Variants in TMBIM6 observed in about 807,000 individuals in gnomAD.
TMBIM6 encodes the protein bax inhibitor 1.
In TMBIM6, 13 loss-of-function variants were observed where a neutral mutation model predicts 31.4. The observed-to-expected ratio is 0.41, with a 90% CI of 0.27 to 0.66. TMBIM6 has a LOEUF of 0.66. TMBIM6 is among the 30% of genes least tolerant of loss of function. The pLI is 0.28. For missense variants in TMBIM6, 275 were observed against 289.5 expected, an observed-to-expected ratio of 0.95 and a Z score of 0.36; for synonymous variants, 85 against 101.7, an observed-to-expected ratio of 0.84 and a Z score of 0.99.
rs544153688 is a variant in TMBIM6 at position 49,764,289 on chromosome 12, T to A, written c.*1393T>A. 1.3e-5 allele frequency: 2 copies of A among 152,282 alleles called. No homozygotes were observed. Among genetic ancestry groups the A allele is most frequent in the South Asian group, 4.1e-4 (2 of 4,828 alleles). 9.4% of individuals were successfully genotyped at this position (152,282 alleles called of 1,614,324 possible). ...TCTACAGAGCTTCAGTGTGAGAGGA[T>A]CGAGCCATTGAAAGCTCATTACCAG... is the stretch of plus-strand genomic sequence containing the variant. On this transcript the variant is annotated 3_prime_UTR_variant, in exon 10 of 10. Coordinates refer to ENST00000267115, the MANE Select transcript of TMBIM6 (RefSeq NM_003217.3).
intron 1 of TMBIM6, among the ~76,000 whole-genome samples, chr12:49,745,788 A>T (rs534775764): frequency 6.6e-6 from 1 of 151,972 alleles, no homozygotes; most frequent in South Asian, 2.1e-4. Context: ...ATCTGGTATG[A>T]TATTTTCACA....
At chr12:49,751,553 T>C (rs2136941215) in intron 1 of TMBIM6, among the ~76,000 whole-genome samples, 1 of 152,200 alleles carries the variant, frequency 6.6e-6, no homozygotes, top group Admixed American at 6.5e-5. Flanking sequence ...ATAAATTCCT[T>C]TTTTATGGAG....
At chr12:49,761,664 A>G (rs1248783556) in intron 8 of TMBIM6, 40 bp from the exon 9 acceptor site, 7 of 1,599,782 alleles carry the variant, frequency 4.4e-6, no homozygotes, top group Non-Finnish European at 6.0e-6. Flanking sequence ...TGGATAAAAA[A>G]GTCTGAAGTA....
chr12:49,758,927 T>C (rs1945660443), intron 7 of TMBIM6, 165 bp downstream of exon 7: 1 of 693,492 alleles, frequency 1.4e-6, no homozygotes, highest in Non-Finnish European at 2.4e-6. Context: ...GAAAACAGGC[T>C]GCACAAGGTT....
At chr12:49,746,093 T>C (rs1439755396) in intron 1 of TMBIM6, among the ~76,000 whole-genome samples, 1 of 151,542 alleles carries the variant, frequency 6.6e-6, no homozygotes, top group Non-Finnish European at 1.5e-5. Flanking sequence ...TTTTTTTTTT[T>C]CTTTTTTGAG....
chr12:49,757,302 A>G (rs1945622329), intron 4 of TMBIM6, among the ~76,000 whole-genome samples: 1 of 152,222 alleles, frequency 6.6e-6, no homozygotes, highest in Admixed American at 6.5e-5. Flanking sequence ...ATGAGGTTCA[A>G]GAGCTTAGGT....
At chr12:49,753,751 G>A (rs529874177) in intron 3 of TMBIM6, among the ~76,000 whole-genome samples, 6 of 152,154 alleles carry the variant, frequency 3.9e-5, no homozygotes, top group Non-Finnish European at 8.8e-5. Context: ...GGGATTGTGT[G>A]AAAAATTACT....
At position 49,763,492 on chromosome 12, in the gene TMBIM6, C is replaced by T. The variant is rs897290359; in HGVS notation, c.*596C>T. The T allele has an allele frequency of 6.6e-6, 1 of 152,304 alleles. No individual in the cohort carries two copies. Among genetic ancestry groups the T allele is most frequent in the Non-Finnish European group, 1.5e-5 (1 of 68,138 alleles). The allele number at this position is 152,304 out of a possible 1,614,324, so 9.4% of individuals were successfully genotyped here. A position where few individuals can be genotyped will look rare whatever the true frequency, so the allele number is the denominator to read the frequency against. On this transcript the variant is annotated 3_prime_UTR_variant, in exon 10 of 10. Transcript: ENST00000267115. ...CAAACACACCTTTCTGCTTTGCCTT[C>T]ACAAAAGTAATGTGTTCCCTTTCCC...
chr12:49,758,111 T>C, intron 4 of TMBIM6, 116 bp from the exon 5 acceptor site: 1 of 1,069,452 alleles, frequency 9.4e-7, no homozygotes, highest in South Asian at 1.4e-5. Flanking sequence ...GATTTAATTC[T>C]TTAGTCCACG....
In TMBIM6 at chr12:49,761,744, A is replaced by G; in HGVS notation, c.655A>G (p.Arg219Gly). 1 of 1,614,260 alleles carries G rather than the reference A, an allele frequency of 6.2e-7. No homozygotes were observed. The highest frequency in any genetic ancestry group is 8.5e-7 in the Non-Finnish European group (1 of 1,180,052). The change falls in exon 9 of 10, where the codon AGA becomes GGA. Residue 219 changes from arginine to glycine, a missense_variant. Arg to Gly is a moderately radical substitution (Grantham distance 125). Coordinates refer to ENST00000267115, the MANE Select transcript of TMBIM6 (RefSeq NM_003217.3). The stretch of plus-strand genomic sequence containing the variant: ...CTTCTTAGATTTCATTACTGTCTTC[A>G]GAAAACTCATGATGATCCTGGCCAT... ...DLFLDFITVFRKLMMILAMNE... is the reference protein window; with the variant it reads ...DLFLDFITVFGKLMMILAMNE...
chr12:49,752,368 A>T, intron 1 of TMBIM6, 96 bp from the exon 2 acceptor site: 1 of 875,596 alleles, frequency 1.1e-6, no homozygotes. Flanking sequence ...GCAAGTTTTC[A>T]TCTTTCTGAA....
chr12:49,743,976 G>A (rs951535203), intron 1 of TMBIM6, among the ~76,000 whole-genome samples: 8 of 152,194 alleles, frequency 5.3e-5, no homozygotes, highest in African/African-American at 1.7e-4. Context: ...TACAGATGAG[G>A]AAGCTGAAAT....
At chr12:49,754,241 C>T (rs888016910) in intron 3 of TMBIM6, among the ~76,000 whole-genome samples, 2 of 152,138 alleles carry the variant, frequency 1.3e-5, no homozygotes, top group Non-Finnish European at 2.9e-5. Context: ...CGCACCTCAG[C>T]CTCCCAAGTA....
At chr12:49,746,006 G>A (rs111862287) in intron 1 of TMBIM6, among the ~76,000 whole-genome samples, 1 of 151,866 alleles carries the variant, frequency 6.6e-6, no homozygotes, top group African/African-American at 2.4e-5. Flanking sequence ...ATTGTAAATC[G>A]AGCATCTATA....
rs577614126 is a variant in TMBIM6 at position 49,745,349 on chromosome 12, A to G, written c.-31+3738A>G. Among the ~76,000 whole-genome samples, 4 of 152,362 alleles carry G rather than the reference A, an allele frequency of 2.6e-5. No individual in the cohort carries two copies. In the South Asian group the frequency reaches 8.3e-4, roughly 32 times the overall value. On this transcript the variant is annotated intron_variant, in intron 1 of 9. Coordinates refer to ENST00000267115, the MANE Select transcript of TMBIM6 (RefSeq NM_003217.3). ...AAAGGTATGCCATTTAAACAAAAGT[A>G]CAGACGGGCCCCAATTTATGATGAT...
chr12:49,742,235 C>A, intron 1 of TMBIM6: 1 of 1,612,614 alleles, frequency 6.2e-7, no homozygotes, highest in Non-Finnish European at 8.5e-7. Flanking sequence ...GCCTTCCAGG[C>A]CCACGGGGCG....
intron 3 of TMBIM6, among the ~76,000 whole-genome samples, chr12:49,754,094 A>G (rs1043621466): frequency 1.3e-5 from 2 of 152,100 alleles, no homozygotes; most frequent in African/African-American, 4.8e-5. Context: ...TTGTAAACAA[A>G]TGTTCTTTTC....
chr12:49,744,908 C>T (rs1316636984), intron 1 of TMBIM6, among the ~76,000 whole-genome samples: 3 of 152,078 alleles, frequency 2.0e-5, no homozygotes, highest in Non-Finnish European at 2.9e-5. Flanking sequence ...ATCTGTCAAA[C>T]GTTATAGAGA....
Position 49,763,918 on chromosome 12 carries a change from G to T in TMBIM6, c.*1022G>T, listed in dbSNP as rs569422961. On this transcript the variant is annotated 3_prime_UTR_variant, in exon 10 of 10. Coordinates refer to ENST00000267115, the MANE Select transcript of TMBIM6 (RefSeq NM_003217.3). ...TCATTCACATCAACAGAGCGAGGCT[G>T]TGATAACTTAGGAGGCAGCAATCCT... 3 of 152,238 alleles carry T rather than the reference G, an allele frequency of 2.0e-5. No individual in the cohort carries two copies. Among genetic ancestry groups the T allele is most frequent in the Non-Finnish European group, 4.4e-5 (3 of 68,056 alleles). 9.4% of individuals were successfully genotyped at this position (152,238 alleles called of 1,614,324 possible). A position where few individuals can be genotyped will look rare whatever the true frequency, so the allele number is the denominator to read the frequency against.
Sources: gnomAD v4.1 joint callset for allele counts (sites outside exome capture counted in the v4.1 genomes callset) on GRCh38, gnomAD v4.1.1 for gene constraint, MANE v1.5 for transcripts, NCBI Gene and HGNC (gene_info 2026-07-23, HGNC 2026-07-21) for gene names.